The following OSBPL9 variants were observed in gnomAD, a reference collection of about 807,000 sequenced individuals.
OSBPL9 encodes the protein oxysterol binding protein like 9.
A neutral mutation model predicts 106.6 loss-of-function variants in OSBPL9; 40 were observed. The ratio of observed to expected loss-of-function variants is 0.38; its 90% CI spans 0.29 to 0.49. The LOEUF (loss-of-function observed/expected upper bound fraction) is 0.49, where lower values mean the gene tolerates loss of function less well. Ranked by LOEUF, OSBPL9 falls within the 20% of genes least tolerant of loss-of-function variation. OSBPL9 has a pLI of 0.97. For missense variants in OSBPL9, 609 were observed against 887.2 expected, an observed-to-expected ratio of 0.69 and a Z score of 3.98; for synonymous variants, 269 against 295.4, an observed-to-expected ratio of 0.91 and a Z score of 0.92.
the OSBPL9 span, among the ~76,000 whole-genome samples, chr1:51,568,350 C>T: frequency 6.6e-6 from 1 of 152,138 alleles, no homozygotes; most frequent in South Asian, 2.1e-4. Flanking sequence ...TGGCTCAGAA[C>T]AGTTAAGCAG....
rs1202752019 is a variant in OSBPL9 at position 51,729,129 on chromosome 1, C to A, written c.318+15050C>A. Among the ~76,000 whole-genome samples, 1 of 152,166 alleles carries A rather than the reference C, an allele frequency of 6.6e-6. No individual in the cohort carries two copies. The highest frequency in any genetic ancestry group is 1.5e-5 in the Non-Finnish European group (1 of 68,032). On this transcript the variant is annotated intron_variant, in intron 4 of 23. Transcript: ENST00000428468. This position sits in a 1 kb window ranked among gnomAD's most constrained non-coding sequence, Gnocchi z 5.1. ...CATTTGGATTCCTGAAGCATCTTTACAAGCCACCTACATTCCTTATGGAGC... is the reference window on the plus strand; with the variant it reads ...CATTTGGATTCCTGAAGCATCTTTAAAAGCCACCTACATTCCTTATGGAGC...
At chr1:51,753,473 A>G (rs1669691512) in intron 8 of OSBPL9, among the ~76,000 whole-genome samples, 1 of 152,230 alleles carries the variant, frequency 6.6e-6, no homozygotes, top group Non-Finnish European at 1.5e-5. Context: ...TGACAGTAAC[A>G]CATCTGGTAA....
At chr1:51,688,837 T>A (rs930504691) in intron 3 of OSBPL9, among the ~76,000 whole-genome samples, 3 of 152,168 alleles carry the variant, frequency 2.0e-5, no homozygotes, top group Non-Finnish European at 4.4e-5. Flanking sequence ...TGTCTGAGTT[T>A]ATATTGCAGC....
intron 1 of OSBPL9, among the ~76,000 whole-genome samples, chr1:51,647,971 AT>A (rs1198476232): frequency 2.0e-5 from 3 of 152,128 alleles, no homozygotes; most frequent in African/African-American, 7.2e-5. Context: ...CATGGGGGTA[AT>A]CCTGTTTTGT....
intron 18 of OSBPL9, 48 bp downstream of exon 18, chr1:51,784,073 A>T: frequency 2.6e-6 from 4 of 1,521,260 alleles, no homozygotes; most frequent in Non-Finnish European, 3.6e-6. Flanking sequence ...GGAGAATTTT[A>T]TGAAAATGGC....
chr1:51,570,185 T>A, the OSBPL9 span, among the ~76,000 whole-genome samples: 1 of 152,226 alleles, frequency 6.6e-6, no homozygotes, highest in African/African-American at 2.4e-5. Context: ...CCCTGCACTT[T>A]CTGGACATCT....
chr1:51,565,848 C>G, the OSBPL9 span: 1 of 152,276 alleles, frequency 6.6e-6, no homozygotes, highest in African/African-American at 2.4e-5. Context: ...CTCCCTGGCT[C>G]TCAGCACTGA....
chr1:51,673,194 A>G (rs1489826202), intron 3 of OSBPL9, among the ~76,000 whole-genome samples: 6 of 152,262 alleles, frequency 3.9e-5, no homozygotes, highest in Non-Finnish European at 8.8e-5. Flanking sequence ...AGGTGTTTCT[A>G]GGAGGAGAGA....
At chr1:51,662,636 T>C (rs1321768204) in intron 2 of OSBPL9, among the ~76,000 whole-genome samples, 1 of 151,924 alleles carries the variant, frequency 6.6e-6, no homozygotes, top group Non-Finnish European at 1.5e-5. Flanking sequence ...AGCAACTTAA[T>C]CGAGCATATG....
At chr1:51,692,437 T>C (rs1023283753) in intron 3 of OSBPL9, among the ~76,000 whole-genome samples, 28 of 152,364 alleles carry the variant, frequency 1.8e-4, no homozygotes, top group Admixed American at 1.5e-3. Context: ...CATGCCATAC[T>C]TTTTTATGAC....
chr1:51,617,286 A>G lies in OSBPL9; in HGVS notation c.111+65A>G, dbSNP rs574131008. On this transcript the variant is annotated intron_variant, in intron 1 of 23. Coordinates refer to ENST00000428468, the MANE Select transcript of OSBPL9 (RefSeq NM_024586.6). ...CGCGTTTCCTGGGTGGAGGTGGGGG[A>G]CCGGGGTTTTAGGTGGCTGAGTTGA... The G allele has an allele frequency of 2.0e-4, 300 of 1,491,604 alleles. 1 individual carries two copies. The South Asian group carries it at 3.6e-3, about 18-fold the overall frequency. 92.4% of individuals were successfully genotyped at this position (1,491,604 alleles called of 1,614,324 possible).
intron 1 of OSBPL9, among the ~76,000 whole-genome samples, chr1:51,626,902 TTAATC>T (rs1277990596): frequency 2.6e-5 from 4 of 152,248 alleles, no homozygotes; most frequent in South Asian, 2.1e-4. Context: ...AAATCATTGC[TTAATC>T]TAAAGTCACA....
intron 1 of OSBPL9, among the ~76,000 whole-genome samples, chr1:51,651,083 G>A (rs1385007752): frequency 2.0e-5 from 3 of 152,128 alleles, no homozygotes; most frequent in Non-Finnish European, 4.4e-5. Flanking sequence ...CACAACAGGG[G>A]AACACACAGA....
rs912625361 is a variant in OSBPL9, at chr1:51,787,632, G to A, written c.2137-83G>A. 6.1e-5 allele frequency: 97 copies of A among 1,587,032 alleles called. No homozygotes were observed. In the Admixed American group the frequency reaches 1.5e-3, roughly 25 times the overall value. ...AAACTCATTTCAGTCTAATGGCGGG[G>A]TGGGGAGCAGATATGAAATAGTAAG... On this transcript the variant is annotated intron_variant, in intron 23 of 23. Transcript: ENST00000428468.
intron 3 of OSBPL9, among the ~76,000 whole-genome samples, chr1:51,670,396 C>T (rs538462812): frequency 6.6e-6 from 1 of 152,186 alleles, no homozygotes; most frequent in Admixed American, 6.5e-5. Context: ...GCTAGGTATG[C>T]CAAGATAAAT....
intron 1 of OSBPL9, among the ~76,000 whole-genome samples, chr1:51,645,998 A>G (rs1646130585): frequency 1.3e-5 from 2 of 152,116 alleles, no homozygotes; most frequent in Non-Finnish European, 2.9e-5. Context: ...TCAGTACCAC[A>G]CTGTCTATTA....
chr1:51,596,784 AAG>A (rs1389220715), intron 1 of OSBPL9, among the ~76,000 whole-genome samples: 1 of 152,142 alleles, frequency 6.6e-6, no homozygotes, highest in African/African-American at 2.4e-5. Context: ...CATCTCAAAA[AAG>A]AAAAAAAAAA....
intron 3 of OSBPL9, among the ~76,000 whole-genome samples, chr1:51,679,784 T>C (rs547115597): frequency 1.3e-5 from 2 of 152,358 alleles, no homozygotes; most frequent in South Asian, 4.1e-4. Context: ...GTAGCCCTTA[T>C]TTTATTTAAT....
intron 2 of OSBPL9, among the ~76,000 whole-genome samples, chr1:51,604,531 G>A (rs1211898637): frequency 2.6e-5 from 4 of 151,744 alleles, no homozygotes; most frequent in Admixed American, 6.6e-5. Context: ...ACTCCCGCCT[G>A]GGTGACAGAG....
Sources: gnomAD v4.1 joint callset for allele counts (sites outside exome capture counted in the v4.1 genomes callset) on GRCh38, gnomAD v4.1.1 for gene constraint, Gnocchi (gnomAD v3.1) non-coding constraint, MANE v1.5 for transcripts, NCBI Gene and HGNC (gene_info 2026-07-23, HGNC 2026-07-21) for gene names.